Variants in ALPK3 observed in about 807,000 individuals in gnomAD.
The protein encoded by ALPK3 is alpha-protein kinase 3.
In ALPK3, 102 loss-of-function variants were observed where a neutral mutation model predicts 140.0. That is an observed-to-expected ratio of 0.73 (90% CI 0.62 to 0.86). The LOEUF (loss-of-function observed/expected upper bound fraction) is 0.86, where lower values mean the gene tolerates loss of function less well. Among genes scored for constraint, ALPK3 ranks in the 40% least tolerant of loss-of-function variants. The probability of loss-of-function intolerance (pLI) is 0.00; values close to 1 mark genes in which losing one functional copy is unlikely to be tolerated. For synonymous variants in ALPK3, 938 were observed against 898.5 expected, an observed-to-expected ratio of 1.04 and a Z score of -0.79; for missense variants, 2,254 against 2,208.2, an observed-to-expected ratio of 1.02 and a Z score of -0.42.
In ALPK3 at chr15:84,840,174, G is replaced by A. The variant is rs115195927; in HGVS notation, c.895G>A (p.Ala299Thr). 11 of 1,613,814 alleles carry A rather than the reference G, an allele frequency of 6.8e-6. No individual in the cohort carries two copies. Among genetic ancestry groups the A allele is most frequent in the East Asian group, 6.7e-5 (3 of 44,852 alleles). ...TGGCTTGCTGACATACATCTGTGACGCCATGGAGCTGGGGCCTCAGAGAGC... is the reference window on the plus strand; with the variant it reads ...TGGCTTGCTGACATACATCTGTGACACCATGGAGCTGGGGCCTCAGAGAGC... ...EHGLLTYICD[A>T]MELGPQRALK... is the part of the protein sequence containing the mutation. Residue 299 changes from alanine to threonine, a missense_variant, in exon 5 of 14, where the codon GCC becomes ACC. Physicochemically the swap from Ala to Thr is moderately conservative, Grantham distance 58. Transcript: ENST00000258888.
intron 5 of ALPK3, among the ~76,000 whole-genome samples, chr15:84,847,614 G>A (rs56175302): frequency 6.6e-6 from 1 of 151,902 alleles, no homozygotes; most frequent in African/African-American, 2.4e-5. Flanking sequence ...AAAAGGAAGT[G>A]GAACAACATT....
In ALPK3 at chr15:84,860,080, T is replaced by TC. The variant is rs766725481; in HGVS notation, c.4129+14dup. 24 of 1,613,644 alleles carry TC rather than the reference T, an allele frequency of 1.5e-5. No individual in the cohort carries two copies. The African/African-American group carries it at 2.7e-4, about 18-fold the overall frequency. Reference sequence around the variant, plus strand: ...CCAGAGAAGAAGGTGAAGGTATGGTTCCCCCCTGGGGAAGGCGGGGTGGTC... The same window carrying TC: ...CCAGAGAAGAAGGTGAAGGTATGGTTCCCCCCCTGGGGAAGGCGGGGTGGTC... On this transcript the variant is annotated intron_variant, in intron 9 of 13. Coordinates refer to ENST00000258888, the MANE Select transcript of ALPK3 (RefSeq NM_020778.5).
intron 3 of ALPK3, among the ~76,000 whole-genome samples, chr15:84,831,888 C>A (rs555457448): frequency 2.6e-5 from 4 of 152,224 alleles, no homozygotes; most frequent in African/African-American, 7.2e-5. Flanking sequence ...GGTTTCCTAG[C>A]GAAAGGTTTT....
intron 2 of ALPK3, 57 bp downstream of exon 2, chr15:84,823,425 G>A: frequency 6.3e-7 from 1 of 1,595,636 alleles, no homozygotes; most frequent in Non-Finnish European, 8.6e-7. Context: ...TCTGGGCATT[G>A]AGGGGCCACT....
At chr15:84,855,206 C>T (rs1358612730) in intron 5 of ALPK3, among the ~76,000 whole-genome samples, 1 of 152,176 alleles carries the variant, frequency 6.6e-6, no homozygotes. Context: ...TCTTGTTGCA[C>T]GTGGACTTAC....
At chr15:84,861,921 A>C (rs909916032) in intron 9 of ALPK3, among the ~76,000 whole-genome samples, 1 of 152,172 alleles carries the variant, frequency 6.6e-6, no homozygotes, top group Non-Finnish European at 1.5e-5. Context: ...AATATGTTGC[A>C]GTAATTATTT....
intron 3 of ALPK3, among the ~76,000 whole-genome samples, chr15:84,829,877 GTA>G (rs1567087408): frequency 6.6e-6 from 1 of 152,212 alleles, no homozygotes; most frequent in African/African-American, 2.4e-5. Flanking sequence ...TGTGTTGACT[GTA>G]TAGTCCGGAT....
intron 1 of ALPK3, among the ~76,000 whole-genome samples, chr15:84,819,565 A>G (rs1027540508): frequency 1.3e-5 from 2 of 152,188 alleles, no homozygotes; most frequent in South Asian, 2.1e-4. Flanking sequence ...GGAGGGAGCC[A>G]CCGTACTGTC....
chr15:84,838,565 G>A (rs956026327), intron 3 of ALPK3, among the ~76,000 whole-genome samples: 1 of 151,496 alleles, frequency 6.6e-6, no homozygotes, highest in African/African-American at 2.4e-5. Flanking sequence ...CTCTTCAGGT[G>A]GTCTGGGAAG....
rs1964036635 is a variant in ALPK3, at chr15:84,869,005, C to T, written c.*549C>T. 1 of 158,942 alleles carries T rather than the reference C, an allele frequency of 6.3e-6. No individual in the cohort carries two copies. The highest frequency in any genetic ancestry group is 1.4e-5 in the Non-Finnish European group (1 of 71,470). The allele number at this position is 158,942 out of a possible 1,614,324, so 9.8% of individuals were successfully genotyped here. A position where few individuals can be genotyped will look rare whatever the true frequency, so the allele number is the denominator to read the frequency against. On this transcript the variant is annotated 3_prime_UTR_variant, in exon 14 of 14. Transcript: ENST00000258888. The stretch of plus-strand genomic sequence containing the variant: ...TCACTGATCTCAGCTTATCCTGCAA[C>T]TAACCATCCTTGAGCCCAGATGGGG...
chr15:84,845,486 A>C (rs1963719316), intron 5 of ALPK3, among the ~76,000 whole-genome samples: 1 of 152,046 alleles, frequency 6.6e-6, no homozygotes, highest in Non-Finnish European at 1.5e-5. Flanking sequence ...TGGCCAGAAG[A>C]CTGAAAAAGG....
intron 7 of ALPK3, 80 bp downstream of exon 7, chr15:84,859,470 ACCTATCG>A: frequency 6.5e-7 from 1 of 1,531,052 alleles, no homozygotes; most frequent in South Asian, 1.2e-5. Flanking sequence ...AGTGCTTTGA[ACCTATCG>A]CCTCATTAAT....
chr15:84,857,903 T>C lies in ALPK3; in HGVS notation c.3165T>C (p.Leu1055=). 1 of 1,612,058 alleles carries C rather than the reference T, an allele frequency of 6.2e-7. No individual in the cohort carries two copies. The highest frequency in any genetic ancestry group is 8.5e-7 in the Non-Finnish European group (1 of 1,179,454). Reference sequence around the variant, plus strand: ...AGGTGCAGGCTGGCCGCCAGGCCCTTGCTGCTGCCCGAGGCTCCTGGGGTC... The same window carrying C: ...AGGTGCAGGCTGGCCGCCAGGCCCTCGCTGCTGCCCGAGGCTCCTGGGGTC... ...DREVQAGRQA[L]AAARGSWGPG... is the part of the protein sequence containing the mutation. Residue 1055 remains leucine (L), a synonymous_variant, in exon 6 of 14, where the codon CTT becomes CTC. Transcript: ENST00000258888.
intron 12 of ALPK3, among the ~76,000 whole-genome samples, chr15:84,866,255 A>G (rs1182314882): frequency 2.0e-5 from 3 of 152,238 alleles, no homozygotes; most frequent in Non-Finnish European, 2.9e-5. Context: ...AAATAAATCA[A>G]TATTTATCAC....
chr15:84,862,916 G>A lies in ALPK3; in HGVS notation c.4410+1G>A, dbSNP rs1214281478. The A allele has an allele frequency of 6.2e-7, 1 of 1,612,530 alleles. No individual in the cohort carries two copies. Among genetic ancestry groups the A allele is most frequent in the Non-Finnish European group, 8.5e-7 (1 of 1,178,866 alleles). On this transcript the variant is annotated splice_donor_variant, in intron 10 of 13. Coordinates refer to ENST00000258888, the MANE Select transcript of ALPK3 (RefSeq NM_020778.5). LOFTEE classifies it high-confidence loss of function. ...CAGAAACTACGACGTCACCATCCAG[G>A]TACTATGTCCCATCTTCACACCCCA...
At position 84,833,957 on chromosome 15, in the gene ALPK3, TTGTGTGTG is replaced by T. The variant is rs71453270; in HGVS notation, c.305-4999_305-4992del. 2.2e-3 allele frequency among the ~76,000 whole-genome samples: 331 copies of T among 147,330 alleles called. 1 individual carries two copies. Among genetic ancestry groups the T allele is most frequent in the African/African-American group, 8.1e-3 (322 of 39,580 alleles). ...CCTCAGCTCTGTTGTAGATTCTGTG[TTGTGTGTG>T]TGTGTGTGTGTGTGTGTGTGTGTTT... On this transcript the variant is annotated intron_variant, in intron 3 of 13. Coordinates refer to ENST00000258888, the MANE Select transcript of ALPK3 (RefSeq NM_020778.5).
Position 84,858,034 on chromosome 15 carries a change from G to A in ALPK3, c.3296G>A (p.Gly1099Glu), listed in dbSNP as rs963857904. 3 of 1,570,394 alleles carry A rather than the reference G, an allele frequency of 1.9e-6. No homozygotes were observed. The highest frequency in any genetic ancestry group is 2.4e-5 in the South Asian group (2 of 83,824). The change falls in exon 6 of 14, where the codon GGG becomes GAG. Residue 1099 changes from glycine (G) to glutamate (E), a missense_variant. Around this residue, in one of 3 missense-constraint regions of ALPK3, gnomAD observed 2,088 missense variants for 2,022.9 expected, o/e 1.03. Transcript: ENST00000258888. ...GGTGAAGGAGAGGTTTCCCCTGAGG[G>A]GCCTGGCCTCCTGGGGGCCTCTCAG... ...SEGEGEVSPE[G>E]PGLLGASQES...
At chr15:84,823,580 C>T (rs1963452956) in intron 2 of ALPK3, among the ~76,000 whole-genome samples, 1 of 152,034 alleles carries the variant, frequency 6.6e-6, no homozygotes, top group African/African-American at 2.4e-5. Context: ...TTGAGATGGG[C>T]ACAGGATCTC....
At chr15:84,821,523 T>C (rs1963422833) in intron 1 of ALPK3, among the ~76,000 whole-genome samples, 1 of 152,192 alleles carries the variant, frequency 6.6e-6, no homozygotes, top group South Asian at 2.1e-4. Context: ...CTTGGAACCA[T>C]GGGAGGTTCT....
Sources: allele counts gnomAD v4.1 joint callset (sites outside exome capture counted in the v4.1 genomes callset), GRCh38; gene constraint gnomAD v4.1.1; regional missense constraint gnomAD v4.1.1; transcripts MANE v1.5; gene names NCBI Gene and HGNC (gene_info 2026-07-23, HGNC 2026-07-21).